The following CNTN5 variants were observed in gnomAD, a reference collection of about 807,000 sequenced individuals.
CNTN5 encodes the protein contactin 5, also known as contactin-5.
CNTN5 carries 77 observed loss-of-function variants against 129.1 expected under a neutral mutation model. That is an observed-to-expected ratio of 0.60 (90% CI 0.50 to 0.72). CNTN5 has a LOEUF of 0.72. CNTN5 is among the 30% of genes least tolerant of loss of function. CNTN5 has a pLI of 0.00. For missense variants in CNTN5, 1,478 were observed against 1,328.8 expected (o/e 1.11, Z -1.75); for synonymous variants, 509 against 465.6 (o/e 1.09, Z -1.20).
At chr11:99,980,389 T>G (rs1426200142) in intron 8 of CNTN5, among the ~76,000 whole-genome samples, 1 of 152,178 alleles carries the variant, frequency 6.6e-6, no homozygotes, top group Non-Finnish European at 1.5e-5. Context: ...GATAGGACAA[T>G]TTGTACCTCA....
intron 1 of CNTN5, among the ~76,000 whole-genome samples, chr11:99,249,073 T>G (rs61297588): frequency 6.6e-6 from 1 of 152,074 alleles, no homozygotes; most frequent in Non-Finnish European, 1.5e-5. Flanking sequence ...GCCATTTTCA[T>G]GATATTGATT....
intron 9 of CNTN5, among the ~76,000 whole-genome samples, chr11:100,040,961 C>A (rs536566362): frequency 1.3e-5 from 2 of 152,312 alleles, no homozygotes; most frequent in Admixed American, 6.5e-5. Flanking sequence ...TTGGCTCATG[C>A]ACGGTGCACT....
At chr11:99,968,171 G>A (rs531953655) in intron 8 of CNTN5, among the ~76,000 whole-genome samples, 68 of 152,216 alleles carry the variant, frequency 4.5e-4, no homozygotes, top group Non-Finnish European at 7.9e-4. Context: ...TTTCCCATCC[G>A]TCTCTGGAGT....
At chr11:99,431,210 C>T (rs1465772525) in intron 2 of CNTN5, among the ~76,000 whole-genome samples, 1 of 151,860 alleles carries the variant, frequency 6.6e-6, no homozygotes, top group Non-Finnish European at 1.5e-5. Context: ...AAATTAAGAC[C>T]AGCTTGTTGT....
chr11:99,619,898 C>A (rs1425354239), intron 3 of CNTN5, among the ~76,000 whole-genome samples: 2 of 151,522 alleles, frequency 1.3e-5, no homozygotes, highest in South Asian at 4.2e-4. Context: ...TGGTGGCGGG[C>A]GCCTGTAGTC....
At chr11:99,967,691 T>A (rs955305712) in intron 8 of CNTN5, among the ~76,000 whole-genome samples, 21 of 152,032 alleles carry the variant, frequency 1.4e-4, no homozygotes, top group African/African-American at 4.3e-4. Context: ...ATTAACCACA[T>A]CTAATTTTTC....
chr11:100,254,581 C>T (rs547615), intron 16 of CNTN5, among the ~76,000 whole-genome samples: 45,390 of 151,920 alleles, frequency 0.3, 7,560 homozygotes, highest in Non-Finnish European at 0.37. Context: ...CAGGTAACAA[C>T]GACAACAAAA....
chr11:99,073,099 A>G (rs890966356), intron 1 of CNTN5, among the ~76,000 whole-genome samples: 1 of 152,152 alleles, frequency 6.6e-6, no homozygotes, highest in Non-Finnish European at 1.5e-5. Flanking sequence ...ATAGTATTCC[A>G]TAATATGGAT....
At chr11:100,128,485 G>T (rs1946268499) in intron 13 of CNTN5, among the ~76,000 whole-genome samples, 1 of 152,104 alleles carries the variant, frequency 6.6e-6, no homozygotes, top group African/African-American at 2.4e-5. Flanking sequence ...GTTGCAGATG[G>T]ATATTATGTG....
chr11:100,088,124 A>G (rs755495990), intron 13 of CNTN5, among the ~76,000 whole-genome samples: 3 of 151,968 alleles, frequency 2.0e-5, no homozygotes, highest in Non-Finnish European at 2.9e-5. Flanking sequence ...CAGAAATGAC[A>G]AAGATGACAT....
chr11:99,711,632 G>GC lies in CNTN5; in HGVS notation c.56-107906dup, dbSNP rs535496171. Among the ~76,000 whole-genome samples, 660 of 151,698 alleles carry GC rather than the reference G, an allele frequency of 4.4e-3. 4 individuals carry two copies. The highest frequency in any genetic ancestry group is 0.015 in the African/African-American group (601 of 41,390). On this transcript the variant is annotated intron_variant, in intron 3 of 24. Transcript: ENST00000524871. Reference sequence around the variant, plus strand: ...TTCTCCTAATGCTCTCCCTCCCCTAGCCCCCCACCCCTTGACAGGTGCTGG... The same window carrying GC: ...TTCTCCTAATGCTCTCCCTCCCCTAGCCCCCCCACCCCTTGACAGGTGCTGG...
intron 3 of CNTN5, among the ~76,000 whole-genome samples, chr11:99,797,706 G>A (rs900567531): frequency 6.6e-6 from 1 of 151,968 alleles, no homozygotes. Flanking sequence ...TTTTTTGTGA[G>A]TATTTTCTCC....
chr11:99,806,079 G>A (rs758687301), intron 3 of CNTN5, among the ~76,000 whole-genome samples: 7 of 152,244 alleles, frequency 4.6e-5, no homozygotes, highest in South Asian at 2.1e-4. Context: ...AGCCTTGAAC[G>A]TCTCTTCTCA....
chr11:99,578,528 G>A (rs1288382835), intron 3 of CNTN5, among the ~76,000 whole-genome samples: 1 of 150,840 alleles, frequency 6.6e-6, no homozygotes, highest in African/African-American at 2.5e-5. Context: ...ATTCTAACTG[G>A]TGTCAGATGG....
At chr11:99,395,710 A>AT in intron 2 of CNTN5, among the ~76,000 whole-genome samples, 1 of 151,716 alleles carries the variant, frequency 6.6e-6, no homozygotes, top group East Asian at 1.9e-4. Flanking sequence ...TCTCGAGTTG[A>AT]TTTTTTGTAT....
chr11:99,277,264 G>A (rs149059684), intron 1 of CNTN5, among the ~76,000 whole-genome samples: 1 of 151,744 alleles, frequency 6.6e-6, no homozygotes, highest in East Asian at 1.9e-4. Flanking sequence ...TCTCTAGTCT[G>A]TCATCACTGT....
At chr11:99,518,402 T>C (rs1161106027) in intron 2 of CNTN5, among the ~76,000 whole-genome samples, 1 of 152,066 alleles carries the variant, frequency 6.6e-6, no homozygotes, top group African/African-American at 2.4e-5. Context: ...AAAAATACAG[T>C]AGACCCACAA....
chr11:99,368,851 TCA>T (rs1939632449), intron 2 of CNTN5, among the ~76,000 whole-genome samples: 1 of 151,990 alleles, frequency 6.6e-6, no homozygotes, highest in Admixed American at 6.6e-5. Context: ...GAGAGTGAAC[TCA>T]CATCGCTGTA....
Position 99,509,849 on chromosome 11 carries a change from A to G in CNTN5, c.-70-46296A>G, listed in dbSNP as rs139806793. On this transcript the variant is annotated intron_variant, in intron 2 of 24. Coordinates refer to ENST00000524871, the MANE Select transcript of CNTN5 (RefSeq NM_014361.4). Reference sequence around the variant, plus strand: ...TTAGAAAAAGTATTCCCTACATAGTATGAAAAATTCAAACAATGTGATAAT... The same window carrying G: ...TTAGAAAAAGTATTCCCTACATAGTGTGAAAAATTCAAACAATGTGATAAT... Among the ~76,000 whole-genome samples, 1,299 of 152,128 alleles carry G rather than the reference A, an allele frequency of 8.5e-3. 24 individuals are homozygous for G. Among genetic ancestry groups the G allele is most frequent in the African/African-American group, 0.03 (1,236 of 41,546 alleles).
Sources: gnomAD v4.1 joint callset for allele counts (sites outside exome capture counted in the v4.1 genomes callset) on GRCh38, gnomAD v4.1.1 for gene constraint, MANE v1.5 for transcripts, NCBI Gene and HGNC (gene_info 2026-07-23, HGNC 2026-07-21) for gene names.